Variants in EFR3A observed in about 807,000 individuals in gnomAD.
The protein encoded by EFR3A is protein EFR3 homolog A.
EFR3A carries 76 observed loss-of-function variants against 104.4 expected under a neutral mutation model. The observed-to-expected ratio is 0.73, with a 90% CI of 0.60 to 0.88. The LOEUF (loss-of-function observed/expected upper bound fraction) is 0.88. Ranked by LOEUF, EFR3A falls within the 40% of genes least tolerant of loss-of-function variation. EFR3A has a pLI of 0.00. For synonymous variants in EFR3A, 330 were observed against 330.0 expected, an observed-to-expected ratio of 1.00 and a Z score of 0.00; for missense variants, 985 against 1,012.5, an observed-to-expected ratio of 0.97 and a Z score of 0.37.
intron 8 of EFR3A, 115 bp from the exon 9 acceptor site, chr8:131,968,172 CTCATAACA>C (rs1819858847): frequency 1.2e-6 from 1 of 840,386 alleles, no homozygotes; most frequent in Admixed American, 3.0e-5. Context: ...TATTTATTGT[CTCATAACA>C]TGACCACCAG....
At chr8:131,939,397 G>C (rs1208291837) in intron 1 of EFR3A, among the ~76,000 whole-genome samples, 1 of 152,070 alleles carries the variant, frequency 6.6e-6, no homozygotes, top group Admixed American at 6.6e-5. Flanking sequence ...GTAAACCTAA[G>C]CTTCCCAAAA....
At chr8:131,988,294 A>G (rs1022491392) in intron 18 of EFR3A, among the ~76,000 whole-genome samples, 1 of 152,102 alleles carries the variant, frequency 6.6e-6, no homozygotes, top group African/African-American at 2.4e-5. Flanking sequence ...TTTATGTCTT[A>G]TGCTTTCATT....
intron 10 of EFR3A, among the ~76,000 whole-genome samples, chr8:131,973,565 T>C (rs1472926458): frequency 6.6e-6 from 1 of 152,172 alleles, no homozygotes; most frequent in Non-Finnish European, 1.5e-5. Context: ...GTAAGATTTC[T>C]CTTTTAAAAT....
chr8:131,926,486 A>G (rs1817304938), intron 1 of EFR3A, among the ~76,000 whole-genome samples: 1 of 152,188 alleles, frequency 6.6e-6, no homozygotes, highest in African/African-American at 2.4e-5. Context: ...CAGTGATGCA[A>G]AATGACCTAT....
chr8:131,918,343 G>A (rs1816842890), intron 1 of EFR3A, among the ~76,000 whole-genome samples: 1 of 152,144 alleles, frequency 6.6e-6, no homozygotes, highest in African/African-American at 2.4e-5. Flanking sequence ...TTAGGCTTTT[G>A]ACTTTGTGTT....
rs1818127505 is a variant in EFR3A, at chr8:131,940,710, C to T, written c.87+135C>T. On this transcript the variant is annotated intron_variant, in intron 2 of 22. Transcript: ENST00000254624. The stretch of plus-strand genomic sequence containing the variant: ...CATCATTTATACTACTTTTTTTATA[C>T]TTTTCTTTTTTTTACTCTTAAATGA... 5 of 1,364,692 alleles carry T rather than the reference C, an allele frequency of 3.7e-6. No homozygotes were observed. In the South Asian group the frequency reaches 5.5e-5, roughly 15 times the overall value. 84.5% of individuals were successfully genotyped at this position (1,364,692 alleles called of 1,614,324 possible).
chr8:131,911,453 GA>G (rs1326408290), intron 1 of EFR3A, among the ~76,000 whole-genome samples: 4 of 152,160 alleles, frequency 2.6e-5, no homozygotes, highest in Non-Finnish European at 5.9e-5. Flanking sequence ...TTAAGAGAGG[GA>G]AAAATGAAAT....
chr8:131,979,234 C>A (rs1426712650), intron 13 of EFR3A, 112 bp from the exon 14 acceptor site: 7 of 980,988 alleles, frequency 7.1e-6, no homozygotes, highest in African/African-American at 1.7e-5. Context: ...TCAGTAGTAT[C>A]ATTACATACA....
intron 1 of EFR3A, among the ~76,000 whole-genome samples, chr8:131,908,658 T>G (rs72728669): frequency 0.012 from 1,756 of 152,262 alleles, 11 homozygotes; most frequent in Middle Eastern, 0.034. Context: ...ATAGAGCTGT[T>G]ATTGCAACTA....
At chr8:131,921,597 AT>A (rs1336342982) in intron 1 of EFR3A, among the ~76,000 whole-genome samples, 1 of 152,196 alleles carries the variant, frequency 6.6e-6, no homozygotes, top group Non-Finnish European at 1.5e-5. Flanking sequence ...TTTGATGTAA[AT>A]TAATGGTATA....
intron 22 of EFR3A, among the ~76,000 whole-genome samples, chr8:132,010,449 T>TATATATATATATATAA (rs1326843233): frequency 7.8e-6 from 1 of 128,402 alleles, no homozygotes; most frequent in African/African-American, 2.9e-5. Context: ...TATATATATA[T>TATATATATATATATAA]AATGAAATAC....
chr8:131,944,881 A>T lies in EFR3A; in HGVS notation c.215+9A>T, dbSNP rs761046290. On this transcript the variant is annotated intron_variant, in intron 3 of 22. Coordinates refer to ENST00000254624, the MANE Select transcript of EFR3A (RefSeq NM_015137.6). ...GTCAGACATCGTTCTGGGTAAGGAAACTAATGGCTGCTAAAATAGTATCTT... is the reference window on the plus strand; with the variant it reads ...GTCAGACATCGTTCTGGGTAAGGAATCTAATGGCTGCTAAAATAGTATCTT... 10 of 1,604,306 alleles carry T rather than the reference A, an allele frequency of 6.2e-6. No individual in the cohort carries two copies. The highest frequency in any genetic ancestry group is 1.3e-5 in the African/African-American group (1 of 74,418).
chr8:131,990,413 A>C (rs1821112803), intron 18 of EFR3A, among the ~76,000 whole-genome samples: 1 of 152,310 alleles, frequency 6.6e-6, no homozygotes, highest in African/African-American at 2.4e-5. Context: ...AGCTTGAAAC[A>C]GGTGTTAGGC....
intron 6 of EFR3A, among the ~76,000 whole-genome samples, chr8:131,954,606 GATA>G (rs1818883167): frequency 6.7e-6 from 1 of 150,212 alleles, no homozygotes. Flanking sequence ...CATACACAGA[GATA>G]ATAAGTTAAT....
intron 8 of EFR3A, 106 bp downstream of exon 8, chr8:131,959,769 G>A (rs760673667): frequency 1.5e-5 from 10 of 654,234 alleles, no homozygotes; most frequent in Non-Finnish European, 2.2e-5. Flanking sequence ...ATAAATCATT[G>A]CTCTTAATTT....
chr8:131,984,691 G>T (rs554486894), intron 15 of EFR3A, among the ~76,000 whole-genome samples: 3 of 152,024 alleles, frequency 2.0e-5, no homozygotes, highest in African/African-American at 7.2e-5. Context: ...GTGTGTGTGT[G>T]TATATATATA....
At chr8:131,955,020 T>C (rs1381986814) in intron 6 of EFR3A, among the ~76,000 whole-genome samples, 2 of 152,100 alleles carry the variant, frequency 1.3e-5, no homozygotes. Flanking sequence ...ACTATCTGTA[T>C]TTTTCCTGTT....
At chr8:131,976,837 A>AT (rs771894978) in intron 11 of EFR3A, among the ~76,000 whole-genome samples, 4 of 152,102 alleles carry the variant, frequency 2.6e-5, no homozygotes, top group Non-Finnish European at 5.9e-5. Flanking sequence ...CCAATAACAA[A>AT]TTTTTTGTTT....
intron 14 of EFR3A, among the ~76,000 whole-genome samples, chr8:131,980,510 C>G (rs968900690): frequency 6.6e-6 from 1 of 151,754 alleles, no homozygotes; most frequent in African/African-American, 2.4e-5. Context: ...ACTGAGGAAC[C>G]TCAAACAATT....
Sources: gnomAD v4.1 joint callset for allele counts (sites outside exome capture counted in the v4.1 genomes callset) on GRCh38, gnomAD v4.1.1 for gene constraint, MANE v1.5 for transcripts, NCBI Gene and HGNC (gene_info 2026-07-23, HGNC 2026-07-21) for gene names.